Variants in TRPC4 observed in about 807,000 individuals in gnomAD.
The protein encoded by TRPC4 is transient receptor potential cation channel subfamily C member 4.
A neutral mutation model predicts 99.4 loss-of-function variants in TRPC4; 49 were observed. The observed-to-expected ratio is 0.49, with a 90% CI of 0.39 to 0.63. TRPC4 has a LOEUF of 0.63. Ranked by LOEUF, TRPC4 falls within the 20% of genes least tolerant of loss-of-function variation. The pLI, the probability that TRPC4 is intolerant of heterozygous loss-of-function variation, is 0.00. For synonymous variants in TRPC4, 454 were observed against 425.9 expected (o/e 1.07, Z -0.81); for missense variants, 898 against 1,152.9 (o/e 0.78, Z 3.20).
chr13:37,812,176 C>CAAAAAAAAAAAAAAAAAAAAAA (rs61607544), intron 1 of TRPC4, among the ~76,000 whole-genome samples: 8 of 55,156 alleles, frequency 1.5e-4, no homozygotes, highest in East Asian at 6.2e-4. Flanking sequence ...GAGACTCTAT[C>CAAAAAAAAAAAAAAAAAAAAAA]AAAAAAAAAA....
rs561523796 is a variant in TRPC4 at position 37,634,002 on chromosome 13, T to A, written c.*2901A>T. Among the ~76,000 whole-genome samples, 9 of 152,250 alleles carry A rather than the reference T, an allele frequency of 5.9e-5. No homozygotes were observed. Among genetic ancestry groups the A allele is most frequent in the Admixed American group, 2.0e-4 (3 of 15,266 alleles). ...AATACAATTGTGATAAACAAAGTGT[T>A]TTAAACTTACCTGCTAGTCTATTAA... On this transcript the variant is annotated 3_prime_UTR_variant, in exon 11 of 11. Transcript: ENST00000379705.
chr13:37,683,375 G>A (rs183813232), intron 4 of TRPC4, among the ~76,000 whole-genome samples: 1 of 152,256 alleles, frequency 6.6e-6, no homozygotes, highest in East Asian at 1.9e-4. Context: ...CTGTGATGCT[G>A]TTGTGAGGTA....
intron 2 of TRPC4, among the ~76,000 whole-genome samples, chr13:37,754,293 G>A (rs1956038332): frequency 1.3e-5 from 2 of 152,142 alleles, no homozygotes; most frequent in Admixed American, 1.3e-4. Flanking sequence ...AAGTGAAGAG[G>A]ACATTTTCCT....
intron 2 of TRPC4, among the ~76,000 whole-genome samples, chr13:37,778,145 T>C (rs1480918594): frequency 6.6e-6 from 1 of 152,096 alleles, no homozygotes; most frequent in Non-Finnish European, 1.5e-5. Context: ...TAATTAATGA[T>C]TTAAATGACA....
At chr13:37,663,338 A>G (rs1952517888) in intron 6 of TRPC4, 78 bp downstream of exon 6, 2 of 1,382,840 alleles carry the variant, frequency 1.4e-6, no homozygotes, top group Admixed American at 2.4e-5. Flanking sequence ...ACCATTTGTC[A>G]TAGGTTTTTC....
In TRPC4 at chr13:37,692,071, C is replaced by G; in HGVS notation, c.1162G>C (p.Asp388His). The G allele has an allele frequency of 6.2e-7, 1 of 1,613,844 alleles. No individual in the cohort carries two copies. Among genetic ancestry groups the G allele is most frequent in the Middle Eastern group, 1.6e-4 (1 of 6,062 alleles). The change falls in exon 4 of 11, where the codon GAC (aspartate) becomes CAC (histidine). Residue 388 changes from aspartate to histidine, a missense_variant. Physicochemically the swap from Asp to His is moderately conservative, Grantham distance 81 (BLOSUM62 -1). This residue lies in a region of TRPC4 where 274 missense variants were observed against 454.9 expected (regional missense o/e 0.60). Transcript: ENST00000379705. Reference protein sequence around the residue: ...FLLLLASQHIDRSDLNRQGPP... With the variant: ...FLLLLASQHIHRSDLNRQGPP... ...CCTTGCCTGTTCAAGTCTGACCTGT[C>G]GATGTGCTGAGAGGCAAGCAGCAGC...
chr13:37,831,276 T>C (rs1191381739), intron 1 of TRPC4, among the ~76,000 whole-genome samples: 1 of 152,158 alleles, frequency 6.6e-6, no homozygotes, highest in Non-Finnish European at 1.5e-5. Flanking sequence ...ACAGTAGATG[T>C]ATGAAAAATG....
intron 3 of TRPC4, among the ~76,000 whole-genome samples, chr13:37,695,534 C>A (rs925450528): frequency 6.6e-6 from 1 of 152,206 alleles, no homozygotes; most frequent in Non-Finnish European, 1.5e-5. Flanking sequence ...AGACACAATT[C>A]ATTACAGCCG....
chr13:37,832,978 G>C (rs572434262), intron 1 of TRPC4, among the ~76,000 whole-genome samples: 2 of 152,056 alleles, frequency 1.3e-5, no homozygotes, highest in Non-Finnish European at 2.9e-5. Context: ...GCAGTATCGA[G>C]TCCTGCTTCT....
intron 1 of TRPC4, among the ~76,000 whole-genome samples, chr13:37,834,165 A>C (rs934940561): frequency 6.6e-6 from 1 of 151,930 alleles, no homozygotes; most frequent in Non-Finnish European, 1.5e-5. Flanking sequence ...TTTCACTTAA[A>C]ACATAAACAC....
intron 3 of TRPC4, among the ~76,000 whole-genome samples, chr13:37,694,462 G>C (rs1953843317): frequency 6.6e-6 from 1 of 152,090 alleles, no homozygotes; most frequent in South Asian, 2.1e-4. Flanking sequence ...GGCACCTGAG[G>C]ACAATCAAAG....
intron 3 of TRPC4, among the ~76,000 whole-genome samples, chr13:37,720,050 T>A (rs1243925896): frequency 6.6e-6 from 1 of 152,124 alleles, no homozygotes; most frequent in Non-Finnish European, 1.5e-5. Flanking sequence ...GGACTCAACC[T>A]GCTACTATTG....
At chr13:37,827,308 G>C (rs192733968) in intron 1 of TRPC4, among the ~76,000 whole-genome samples, 1 of 152,208 alleles carries the variant, frequency 6.6e-6, no homozygotes, top group East Asian at 1.9e-4. Flanking sequence ...TTGTTCCATT[G>C]CTGGTGAGGA....
At chr13:37,863,006 A>G (rs1959487633) in intron 1 of TRPC4, among the ~76,000 whole-genome samples, 1 of 151,540 alleles carries the variant, frequency 6.6e-6, no homozygotes, top group Admixed American at 6.6e-5. Flanking sequence ...TATATTTACA[A>G]TTGCCCACAG....
intron 4 of TRPC4, among the ~76,000 whole-genome samples, chr13:37,685,609 T>G (rs77829547): frequency 7.7e-6 from 1 of 130,452 alleles, no homozygotes; most frequent in Non-Finnish European, 1.7e-5. Context: ...AAGAATCTCA[T>G]TTTTTTTTTT....
chr13:37,772,274 T>C (rs1956573161), intron 2 of TRPC4, among the ~76,000 whole-genome samples: 2 of 151,576 alleles, frequency 1.3e-5, no homozygotes, highest in East Asian at 2.0e-4. Context: ...GGAAAATATG[T>C]CCAAACAAAG....
intron 1 of TRPC4, 95 bp downstream of exon 1, chr13:37,869,500 C>T (rs1321248045): frequency 6.6e-6 from 1 of 152,248 alleles, no homozygotes; most frequent in East Asian, 1.9e-4. Flanking sequence ...AGAGAGCCGG[C>T]TTCCCAGGCA....
intron 5 of TRPC4, among the ~76,000 whole-genome samples, chr13:37,673,483 T>A (rs1169730122): frequency 6.9e-6 from 1 of 145,468 alleles, no homozygotes; most frequent in Non-Finnish European, 1.5e-5. Flanking sequence ...TTTTTTTTTT[T>A]ACCAATTAAC....
At chr13:37,842,238 C>A (rs1003491184) in intron 1 of TRPC4, among the ~76,000 whole-genome samples, 9 of 130,610 alleles carry the variant, frequency 6.9e-5, no homozygotes, top group Non-Finnish European at 6.7e-5. Context: ...CCACTGCACT[C>A]CAGCCTAGGC....
Sources: allele counts gnomAD v4.1 joint callset (sites outside exome capture counted in the v4.1 genomes callset), GRCh38; gene constraint gnomAD v4.1.1; regional missense constraint gnomAD v4.1.1; transcripts MANE v1.5; gene names NCBI Gene and HGNC (gene_info 2026-07-23, HGNC 2026-07-21).